PDE4D: variants seen among roughly 807,000 people sequenced by gnomAD.
PDE4D encodes the protein 3',5'-cyclic-AMP phosphodiesterase 4D.
PDE4D carries 24 observed loss-of-function variants against 87.4 expected under a neutral mutation model. The ratio of observed to expected loss-of-function variants is 0.27; its 90% CI spans 0.20 to 0.39. The LOEUF is 0.39. Ranked by LOEUF, PDE4D falls within the 10% of genes least tolerant of loss-of-function variation. The probability of loss-of-function intolerance (pLI) is 1.00; values close to 1 mark genes in which losing one functional copy is unlikely to be tolerated. For missense variants in PDE4D, 714 were observed against 1,041.0 expected (o/e 0.69, Z 4.32); for synonymous variants, 384 against 383.2 (o/e 1.00, Z -0.02).
At chr5:59,128,015 C>CGTGTGTGTGTGTGTGTGTGT (rs55796726) in intron 5 of PDE4D, among the ~76,000 whole-genome samples, 13 of 144,418 alleles carry the variant, frequency 9.0e-5, no homozygotes, top group Admixed American at 5.6e-4. Flanking sequence ...CTTTCAGAGC[C>CGTGTGTGTGTGTGTGTGTGT]GTGTGTGTGT....
intron 2 of PDE4D, among the ~76,000 whole-genome samples, chr5:60,159,825 G>A (rs559813278): frequency 1.3e-5 from 2 of 152,298 alleles, no homozygotes; most frequent in East Asian, 1.9e-4. Flanking sequence ...GATGTCAGGA[G>A]AATTTGTTCA....
In PDE4D at chr5:60,202,185, T is replaced by A. The variant is rs188056216; in HGVS notation, c.-89-16498A>T. ...TTCATTAATTTTATTTATCTATTTA[T>A]TTGTTTTTGAGACAGGGTTTGGCTC... On this transcript the variant is annotated intron_variant, in intron 1 of 16. Coordinates refer to the PDE4D transcript ENST00000502484. Among the ~76,000 whole-genome samples, 3 of 152,316 alleles carry A rather than the reference T, an allele frequency of 2.0e-5. No homozygotes were observed. In the East Asian group the frequency reaches 5.8e-4, roughly 29 times the overall value.
At chr5:60,338,198 G>A (rs71630006) in intron 1 of PDE4D, among the ~76,000 whole-genome samples, 33,262 of 152,040 alleles carry the variant, frequency 0.22, 3,936 homozygotes, top group South Asian at 0.4. Flanking sequence ...CTTGCTTGCC[G>A]TAACAGAAAC....
chr5:59,103,532 C>T (rs2153434796), intron 5 of PDE4D, among the ~76,000 whole-genome samples: 1 of 152,010 alleles, frequency 6.6e-6, no homozygotes, highest in Non-Finnish European at 1.5e-5. Context: ...CACATCCTGG[C>T]ACTTGAGCAC....
At chr5:59,870,416 A>ACACT (rs1747652040) in intron 1 of PDE4D, among the ~76,000 whole-genome samples, 1 of 152,274 alleles carries the variant, frequency 6.6e-6, no homozygotes, top group Admixed American at 6.5e-5. Flanking sequence ...TTTAAGAAGT[A>ACACT]CACTCGATAT....
intron 5 of PDE4D, among the ~76,000 whole-genome samples, chr5:59,107,764 G>A (rs931524201): frequency 5.3e-5 from 8 of 152,082 alleles, no homozygotes; most frequent in African/African-American, 9.7e-5. Flanking sequence ...TTCTTGACTC[G>A]GTTTGCTTTA....
intron 1 of PDE4D, among the ~76,000 whole-genome samples, chr5:60,300,564 G>A (rs1249537842): frequency 6.6e-6 from 1 of 152,028 alleles, no homozygotes; most frequent in Non-Finnish European, 1.5e-5. Flanking sequence ...TTCATCTTGA[G>A]TTAATTTTTG....
chr5:60,175,465 T>G (rs1301619798), intron 2 of PDE4D, among the ~76,000 whole-genome samples: 3 of 152,178 alleles, frequency 2.0e-5, no homozygotes, highest in Admixed American at 2.0e-4. Flanking sequence ...TCTTGCCTTT[T>G]CATATGGTCA....
chr5:59,025,472 A>C (rs1310117321), intron 6 of PDE4D, among the ~76,000 whole-genome samples: 1 of 152,248 alleles, frequency 6.6e-6, no homozygotes, highest in Non-Finnish European at 1.5e-5. Context: ...TTTAAAAGAC[A>C]CACAATCACT....
chr5:60,462,588 T>A (rs1208720022), intron 1 of PDE4D, among the ~76,000 whole-genome samples: 1 of 152,032 alleles, frequency 6.6e-6, no homozygotes, highest in South Asian at 2.1e-4. Context: ...ATAAACGGAG[T>A]ATCTCAACCA....
At chr5:59,410,648 T>C (rs544329298) in intron 1 of PDE4D, among the ~76,000 whole-genome samples, 2 of 152,078 alleles carry the variant, frequency 1.3e-5, no homozygotes, top group Non-Finnish European at 2.9e-5. Flanking sequence ...CAGTTCCAAC[T>C]ATGCTGTTGC....
intron 1 of PDE4D, among the ~76,000 whole-genome samples, chr5:59,287,764 CTG>C (rs1767270965): frequency 6.6e-6 from 1 of 151,746 alleles, no homozygotes; most frequent in African/African-American, 2.4e-5. Flanking sequence ...CAGACTGAGA[CTG>C]AATCTGTTTG....
intron 1 of PDE4D, among the ~76,000 whole-genome samples, chr5:59,371,467 G>A (rs1367375756): frequency 2.0e-5 from 3 of 152,088 alleles, no homozygotes; most frequent in Non-Finnish European, 4.4e-5. Flanking sequence ...CATATGTACT[G>A]GCATATATGT....
rs1318716154 is a variant in PDE4D at position 59,847,982 on chromosome 5, A to T, written c.455+45186T>A. 2.0e-5 allele frequency among the ~76,000 whole-genome samples: 3 copies of T among 152,080 alleles called. No individual in the cohort carries two copies. In the East Asian group the frequency reaches 5.8e-4, roughly 29 times the overall value. ...TATGTTTCTTATTTCATAACATATA[A>T]TTGAGATCTTCATGATTACAATGGG... On this transcript the variant is annotated intron_variant, in intron 1 of 14. Transcript: ENST00000340635.
At chr5:60,361,518 T>TA (rs1196995310) in intron 1 of PDE4D, among the ~76,000 whole-genome samples, 2 of 152,170 alleles carry the variant, frequency 1.3e-5, no homozygotes, top group African/African-American at 4.8e-5. Context: ...AGCAGACAAA[T>TA]ACTAAGTAAA....
chr5:59,563,470 C>G (rs1298389474), intron 1 of PDE4D, among the ~76,000 whole-genome samples: 1 of 152,206 alleles, frequency 6.6e-6, no homozygotes, highest in Non-Finnish European at 1.5e-5. Flanking sequence ...GGGACATCAC[C>G]TGGGTGGAAA....
chr5:59,825,207 A>G (rs935935133), intron 1 of PDE4D, among the ~76,000 whole-genome samples: 3 of 152,206 alleles, frequency 2.0e-5, no homozygotes, highest in Admixed American at 1.3e-4. Flanking sequence ...TGTTAAGCAT[A>G]CAAAAGCATC....
rs1480932776 is a variant in PDE4D, at chr5:59,907,926, A to G, written c.272+80562T>C. On this transcript the variant is annotated intron_variant, in intron 3 of 16. Coordinates refer to the PDE4D transcript ENST00000502484. ...GTCCTCTTAGCTGAAACTTCCCCCA[A>G]GTCCTCATTCTTTTGTCACTATTTG... 2.6e-5 allele frequency among the ~76,000 whole-genome samples: 4 copies of G among 151,902 alleles called. No homozygotes were observed. The East Asian group carries it at 7.8e-4, about 29-fold the overall frequency.
At chr5:60,484,144 T>C (rs985870133) in intron 1 of PDE4D, among the ~76,000 whole-genome samples, 5 of 151,590 alleles carry the variant, frequency 3.3e-5, no homozygotes, top group Admixed American at 2.6e-4. Flanking sequence ...ACCTACATAA[T>C]TATTTCCTTA....
Sources: allele counts gnomAD v4.1 joint callset (sites outside exome capture counted in the v4.1 genomes callset), GRCh38; gene constraint gnomAD v4.1.1; transcripts MANE v1.5; gene names NCBI Gene and HGNC (gene_info 2026-07-23, HGNC 2026-07-21).